The following AK9 variants were observed in gnomAD, a reference collection of about 807,000 sequenced individuals.
AK9 encodes the protein adenylate kinase domain containing 1.
In AK9, 191 loss-of-function variants were observed where a neutral mutation model predicts 239.6. The ratio of observed to expected loss-of-function variants is 0.80; its 90% confidence interval spans 0.71 to 0.90. AK9 has a LOEUF of 0.90. Among genes scored for constraint, AK9 ranks in the 40% least tolerant of loss-of-function variants. The probability of loss-of-function intolerance (pLI) is 0.00; values close to 1 mark genes in which losing one functional copy is unlikely to be tolerated. For synonymous variants in AK9, 689 were observed against 721.0 expected (o/e 0.96, Z 0.71); for missense variants, 1,995 against 2,214.7 (o/e 0.90, Z 1.99).
chr6:109,543,468 G>A (rs1440972152), intron 26 of AK9, among the ~76,000 whole-genome samples: 2 of 151,886 alleles, frequency 1.3e-5, no homozygotes, highest in African/African-American at 4.8e-5. Flanking sequence ...CTTTTTTTGA[G>A]ATGGAGTCTT....
intron 17 of AK9, among the ~76,000 whole-genome samples, chr6:109,593,088 G>C (rs1294342474): frequency 6.6e-6 from 1 of 151,788 alleles, no homozygotes; most frequent in Non-Finnish European, 1.5e-5. Context: ...GTCTAACTGG[G>C]TTAATTCAGA....
At position 109,593,916 on chromosome 6, in the gene AK9, TG is replaced by T. The variant is rs1472557175; in HGVS notation, c.1843-7845del. ...AACCCACAGCCAATATCATACCAAA[TG>T]GGCAAAAGCTGGAAGCATTCCCTCT... is the stretch of plus-strand genomic sequence containing the variant. On this transcript the variant is annotated intron_variant, in intron 17 of 40. Transcript: ENST00000424296. Among the ~76,000 whole-genome samples the T allele has an allele frequency of 3.3e-5, 5 of 152,172 alleles. No individual in the cohort carries two copies. The East Asian group carries it at 9.6e-4, about 29-fold the overall frequency.
intron 29 of AK9, chr6:109,528,513 GT>G (rs1780798940): frequency 4.4e-6 from 2 of 456,054 alleles, no homozygotes; most frequent in Non-Finnish European, 8.8e-6. Context: ...AATTTTCTCA[GT>G]CCAATGGTTT....
In AK9 at chr6:109,507,753, G is replaced by A. The variant is rs147163637; in HGVS notation, c.4482-953C>T. Among the ~76,000 whole-genome samples the A allele has an allele frequency of 2.0e-3, 311 of 152,212 alleles. 2 individuals are homozygous for A. Among genetic ancestry groups the A allele is most frequent in the African/African-American group, 7.2e-3 (297 of 41,530 alleles). On this transcript the variant is annotated intron_variant, in intron 33 of 40. Coordinates refer to ENST00000424296, the MANE Select transcript of AK9 (RefSeq NM_001145128.3). ...TAAAGCAAACTAAATACGGCCATAC[G>A]TCTATATTTGAGTTCTTGTGGATGA...
intron 19 of AK9, among the ~76,000 whole-genome samples, chr6:109,584,409 T>C (rs1449191644): frequency 6.6e-6 from 1 of 152,170 alleles, no homozygotes; most frequent in Non-Finnish European, 1.5e-5. Flanking sequence ...CTTAAATGTC[T>C]AGGCCTTTAT....
At chr6:109,526,599 C>T (rs1780546878) in intron 29 of AK9, among the ~76,000 whole-genome samples, 1 of 151,908 alleles carries the variant, frequency 6.6e-6, no homozygotes, top group African/African-American at 2.4e-5. Flanking sequence ...AGAGAAGTGA[C>T]GGAAGAGGAA....
chr6:109,588,878 T>C (rs544660563), intron 17 of AK9, among the ~76,000 whole-genome samples: 34 of 152,316 alleles, frequency 2.2e-4, no homozygotes, highest in African/African-American at 7.9e-4. Context: ...AAAGATCACT[T>C]AGTTGTAGGT....
intron 2 of AK9, among the ~76,000 whole-genome samples, chr6:109,675,195 C>A (rs1276133239): frequency 1.3e-5 from 2 of 152,154 alleles, no homozygotes; most frequent in East Asian, 1.9e-4. Context: ...ATATGCAAAT[C>A]AAGTCTGAAA....
chr6:109,506,621 T>C, intron 34 of AK9, 33 bp downstream of exon 34: 1 of 1,532,156 alleles, frequency 6.5e-7, no homozygotes, highest in Non-Finnish European at 8.8e-7. Flanking sequence ...TTAAAGTTTA[T>C]TCCTTTTTTG....
intron 32 of AK9, among the ~76,000 whole-genome samples, chr6:109,510,654 C>T (rs1443862000): frequency 1.3e-5 from 2 of 152,158 alleles, no homozygotes; most frequent in Non-Finnish European, 2.9e-5. Context: ...CACTGTGGGT[C>T]TCCTCTGAGC....
chr6:109,589,841 A>C (rs1291146236), intron 17 of AK9, among the ~76,000 whole-genome samples: 1 of 151,744 alleles, frequency 6.6e-6, no homozygotes, highest in African/African-American at 2.4e-5. Flanking sequence ...TTTTGTTTTT[A>C]ATTCTGTTTA....
intron 29 of AK9, 53 bp downstream of exon 29, chr6:109,528,958 C>A (rs1163373466): frequency 1.3e-6 from 2 of 1,586,104 alleles, no homozygotes; most frequent in East Asian, 4.5e-5. Flanking sequence ...CTGTACCCTG[C>A]CCTGGGCAAC....
At chr6:109,588,148 G>A (rs1434549379) in intron 17 of AK9, among the ~76,000 whole-genome samples, 3 of 151,618 alleles carry the variant, frequency 2.0e-5, no homozygotes, top group African/African-American at 7.3e-5. Context: ...TCGACTCACT[G>A]CAAGCTCCGC....
chr6:109,505,785 G>A (rs897721570), intron 35 of AK9, among the ~76,000 whole-genome samples: 1 of 152,136 alleles, frequency 6.6e-6, no homozygotes, highest in African/African-American at 2.4e-5. Flanking sequence ...TCATTTATTA[G>A]AACAAACATG....
intron 29 of AK9, among the ~76,000 whole-genome samples, chr6:109,516,951 G>C (rs1326717431): frequency 6.6e-6 from 1 of 152,048 alleles, no homozygotes; most frequent in Non-Finnish European, 1.5e-5. Flanking sequence ...TCTCCTTGAG[G>C]ATGTGACTTT....
intron 8 of AK9, among the ~76,000 whole-genome samples, chr6:109,655,346 T>C (rs1341863139): frequency 2.0e-5 from 3 of 152,246 alleles, no homozygotes; most frequent in African/African-American, 7.2e-5. Context: ...TTTTTGTTAA[T>C]TGCTCATATT....
chr6:109,664,232 A>G (rs1800848598), intron 5 of AK9, among the ~76,000 whole-genome samples: 1 of 152,190 alleles, frequency 6.6e-6, no homozygotes, highest in African/African-American at 2.4e-5. Flanking sequence ...TGGAGCCTCA[A>G]CAATTCTTAT....
intron 20 of AK9, among the ~76,000 whole-genome samples, chr6:109,575,533 T>A (rs945251173): frequency 9.2e-5 from 14 of 152,180 alleles, no homozygotes; most frequent in Admixed American, 3.3e-4. Flanking sequence ...GATTATTATT[T>A]TTTTTTCTTG....
At chr6:109,655,947 G>A (rs971432) in intron 8 of AK9, among the ~76,000 whole-genome samples, 88,586 of 152,004 alleles carry the variant, frequency 0.58, 27,498 homozygotes, top group East Asian at 0.84. Context: ...GATGGATGTT[G>A]AGAATGAAAA....
Sources: allele counts gnomAD v4.1 joint callset (sites outside exome capture counted in the v4.1 genomes callset), GRCh38; gene constraint gnomAD v4.1.1; transcripts MANE v1.5; gene names NCBI Gene and HGNC (gene_info 2026-07-23, HGNC 2026-07-21).